Variants in LRRC9 observed in about 807,000 individuals in gnomAD.
The protein encoded by LRRC9 is leucine rich repeat containing 9.
In LRRC9, 122 loss-of-function variants were observed where a neutral mutation model predicts 63.2. That is an observed-to-expected ratio of 1.93 (90% CI 1.67 to 2.24). LRRC9 has a LOEUF of 2.24. LRRC9 is among the 30% of genes most tolerant of loss of function. The pLI, the probability that LRRC9 is intolerant of heterozygous loss-of-function variation, is 0.00. For missense variants in LRRC9, 1,071 were observed against 627.7 expected, an observed-to-expected ratio of 1.71 and a Z score of -7.55; for synonymous variants, 366 against 213.1, an observed-to-expected ratio of 1.72 and a Z score of -6.25.
chr14:60,059,209 T>A (rs1197501606), intron 31 of LRRC9: 1 of 152,182 alleles, frequency 6.6e-6, no homozygotes, highest in East Asian at 1.9e-4. Flanking sequence ...CAACCCTGCA[T>A]CAAGCAAGTC....
At chr14:59,982,745 A>G (rs1887065338) in intron 16 of LRRC9, among the ~76,000 whole-genome samples, 1 of 152,202 alleles carries the variant, frequency 6.6e-6, no homozygotes, top group South Asian at 2.1e-4. Context: ...AGGTAATTTC[A>G]TCCTAACTCT....
intron 20 of LRRC9, among the ~76,000 whole-genome samples, chr14:60,002,322 AGTT>A (rs780949781): frequency 7.2e-5 from 11 of 152,326 alleles, no homozygotes; most frequent in Non-Finnish European, 1.3e-4. Flanking sequence ...TAGTCGTTAA[AGTT>A]ATCGTTAACT....
rs549002845 is a variant in LRRC9 at position 59,991,497 on chromosome 14, G to A, written c.2212-6159G>A. 5.6e-4 allele frequency among the ~76,000 whole-genome samples: 85 copies of A among 152,264 alleles called. 1 individual carries two copies. The highest frequency in any genetic ancestry group is 2.7e-3 in the South Asian group (13 of 4,828). On this transcript the variant is annotated intron_variant, in intron 17 of 31. Transcript: ENST00000445360. ...GAACAGTGGGTGCAGCACACCGAGCGTGAGCCGAAGCATGGTGAGGCATTG... is the reference window on the plus strand; with the variant it reads ...GAACAGTGGGTGCAGCACACCGAGCATGAGCCGAAGCATGGTGAGGCATTG...
Position 59,995,008 on chromosome 14 carries a change from T to TA in LRRC9, c.2212-2638dup, listed in dbSNP as rs10676113. Among the ~76,000 whole-genome samples the TA allele has an allele frequency of 7.0e-3, 1,049 of 149,294 alleles. 7 individuals are homozygous for TA. The highest frequency in any genetic ancestry group is 0.018 in the African/African-American group (712 of 40,436). ...ATGTACCCTAAAACTGAAAGTATAA[T>TA]AAAAAAAAAAGAAAATAAATGTATC... On this transcript the variant is annotated intron_variant, in intron 17 of 31. Transcript: ENST00000445360.
chr14:59,980,109 A>G (rs1361982707), intron 15 of LRRC9, among the ~76,000 whole-genome samples: 1 of 152,094 alleles, frequency 6.6e-6, no homozygotes, highest in African/African-American at 2.4e-5. Context: ...CCTGTAATAA[A>G]TATTCTTTAT....
chr14:59,991,168 A>G (rs1888047409), intron 17 of LRRC9, among the ~76,000 whole-genome samples: 1 of 152,214 alleles, frequency 6.6e-6, no homozygotes, highest in African/African-American at 2.4e-5. Flanking sequence ...TCACTCACTT[A>G]TAATTCCTAT....
chr14:60,049,299 G>A (rs1038595981), intron 29 of LRRC9, among the ~76,000 whole-genome samples: 1 of 152,150 alleles, frequency 6.6e-6, no homozygotes, highest in Non-Finnish European at 1.5e-5. Flanking sequence ...CTGTCATCAT[G>A]ATGCTGGCTG....
intron 31 of LRRC9, 60 bp from the exon 32 acceptor site, chr14:60,061,951 A>G: frequency 2.5e-6 from 1 of 398,180 alleles, no homozygotes; most frequent in Non-Finnish European, 4.4e-6. Flanking sequence ...GCTTATGTTA[A>G]TTAATGTTTC....
intron 26 of LRRC9, among the ~76,000 whole-genome samples, chr14:60,019,604 C>T (rs1249906628): frequency 1.3e-5 from 2 of 151,794 alleles, no homozygotes; most frequent in African/African-American, 4.8e-5. Context: ...ATAAAACTCA[C>T]CCTGTATGTA....
chr14:60,011,362 CCACAA>C (rs1890246874), intron 23 of LRRC9, among the ~76,000 whole-genome samples: 1 of 152,154 alleles, frequency 6.6e-6, no homozygotes, highest in Non-Finnish European at 1.5e-5. Context: ...TGGGTCCCTC[CCACAA>C]CACAAGTGGA....
chr14:60,025,698 A>C (rs2140306229), intron 27 of LRRC9, among the ~76,000 whole-genome samples: 1 of 151,898 alleles, frequency 6.6e-6, no homozygotes, highest in African/African-American at 2.4e-5. Context: ...AAAAAAAGAA[A>C]GTGACATTCA....
chr14:60,061,905 A>C (rs745660972), intron 31 of LRRC9, 106 bp from the exon 32 acceptor site: 1 of 396,138 alleles, frequency 2.5e-6, no homozygotes, highest in Non-Finnish European at 4.4e-6. Flanking sequence ...TATTGCATAC[A>C]TTCCGCTGAA....
chr14:59,968,530 C>T (rs898650178), intron 12 of LRRC9, among the ~76,000 whole-genome samples: 3 of 152,176 alleles, frequency 2.0e-5, no homozygotes, highest in African/African-American at 7.2e-5. Flanking sequence ...AAGCAGATGA[C>T]AAGGCACTAT....
At position 60,009,801 on chromosome 14, in the gene LRRC9, C is replaced by T. The variant is rs543187647; in HGVS notation, c.3186+1587C>T. ...AGGCATTGGGTAAATACACCCATTC[C>T]AAATGGGAGAAATGGGCCAAAACAA... On this transcript the variant is annotated intron_variant, in intron 23 of 31. Coordinates refer to ENST00000445360, the Ensembl canonical transcript of LRRC9. Among the ~76,000 whole-genome samples, 26 of 152,298 alleles carry T rather than the reference C, an allele frequency of 1.7e-4. No homozygotes were observed. In the South Asian group the frequency reaches 5.4e-3, roughly 32 times the overall value.
At chr14:59,944,357 G>A (rs565330221) in intron 7 of LRRC9, among the ~76,000 whole-genome samples, 9 of 151,798 alleles carry the variant, frequency 5.9e-5, no homozygotes, top group African/African-American at 1.4e-4. Context: ...ATGTGAATAC[G>A]CCTCACACTT....
intron 8 of LRRC9, among the ~76,000 whole-genome samples, chr14:59,945,778 A>C (rs1288704648): frequency 6.6e-6 from 1 of 152,080 alleles, no homozygotes; most frequent in South Asian, 2.1e-4. Flanking sequence ...AAAATTGAGC[A>C]AAGTACATAA....
rs432863 is a variant in LRRC9 at position 60,053,422 on chromosome 14, T to C, written c.4131+217T>C. Among the ~76,000 whole-genome samples, 2,595 of 14,336 alleles carry C rather than the reference T, an allele frequency of 0.18. 50 individuals are homozygous for C. The highest frequency in any genetic ancestry group is 0.21 in the African/African-American group (2,041 of 9,558). The allele number at this position is 14,336 out of a possible 152,430, so 9.4% of individuals were successfully genotyped here. On this transcript the variant is annotated intron_variant, in intron 30 of 31. Coordinates refer to ENST00000445360, the Ensembl canonical transcript of LRRC9. The surrounding 1 kb of genome is among the most constrained non-coding windows in gnomAD (Gnocchi z 4.8). The stretch of plus-strand genomic sequence containing the variant: ...ACACACACACACACACACACACACA[T>C]ATATATGTAAGTCAGGGAACATCCT...
In LRRC9 at chr14:59,932,049, A is replaced by G. The variant is rs1305947538; in HGVS notation, c.543+10A>G. On this transcript the variant is annotated intron_variant, in intron 6 of 31. Transcript: ENST00000445360. This position sits in a 1 kb window ranked among gnomAD's most constrained non-coding sequence, Gnocchi z 4.7. ...AATATGTTCTTTCAAGGTATGTTTA[A>G]GTGGAATAATTAATTTTTATTTATC... 1.4e-6 allele frequency: 1 copy of G among 695,914 alleles called. No homozygotes were observed. The highest frequency in any genetic ancestry group is 1.8e-5 in the African/African-American group (1 of 56,910). 43.1% of individuals were successfully genotyped at this position (695,914 alleles called of 1,614,324 possible). A position where few individuals can be genotyped will look rare whatever the true frequency, so the allele number is the denominator to read the frequency against.
intron 10 of LRRC9, among the ~76,000 whole-genome samples, chr14:59,963,388 G>A (rs975235269): frequency 6.6e-5 from 10 of 151,780 alleles, no homozygotes; most frequent in African/African-American, 2.4e-4. Context: ...CCGATGTGTT[G>A]CCAATTGAGT....
Sources: gnomAD v4.1 joint callset for allele counts (sites outside exome capture counted in the v4.1 genomes callset) on GRCh38, gnomAD v4.1.1 for gene constraint, Gnocchi (gnomAD v3.1) non-coding constraint, MANE v1.5 for transcripts, NCBI Gene and HGNC (gene_info 2026-07-23, HGNC 2026-07-21) for gene names.